Variants in AGO3 observed in about 807,000 individuals in gnomAD.
The protein encoded by AGO3 is protein argonaute-3.
AGO3 carries 16 observed loss-of-function variants against 105.5 expected under a neutral mutation model. The observed-to-expected ratio is 0.15, with a 90% CI of 0.10 to 0.23. The LOEUF is 0.23. AGO3 is among the 10% of genes least tolerant of loss of function. The pLI is 1.00. For synonymous variants in AGO3, 340 were observed against 367.3 expected, an observed-to-expected ratio of 0.93 and a Z score of 0.85; for missense variants, 534 against 1,088.0, an observed-to-expected ratio of 0.49 and a Z score of 7.16.
intron 2 of AGO3, among the ~76,000 whole-genome samples, chr1:35,946,498 A>C (rs1378197480): frequency 6.6e-6 from 1 of 152,174 alleles, no homozygotes; most frequent in African/African-American, 2.4e-5. Flanking sequence ...TTTGTTTTTA[A>C]AAACAAAGAC....
At chr1:36,025,106 A>C (rs766063732) in intron 11 of AGO3, among the ~76,000 whole-genome samples, 79 of 152,198 alleles carry the variant, frequency 5.2e-4, no homozygotes, top group Non-Finnish European at 6.2e-4. Context: ...ATCTCTACTT[A>C]TATAAAGTAT....
At chr1:35,958,494 C>T (rs963281346) in intron 2 of AGO3, among the ~76,000 whole-genome samples, 2 of 152,026 alleles carry the variant, frequency 1.3e-5, no homozygotes, top group Non-Finnish European at 2.9e-5. Flanking sequence ...AACTCTGTCT[C>T]TACAAGAAAT....
At chr1:36,036,053 AT>A (rs1284575810) in intron 13 of AGO3, 123 bp from the exon 14 acceptor site, 167 of 611,954 alleles carry the variant, frequency 2.7e-4, no homozygotes, top group Middle Eastern at 1.3e-3. Context: ...AAAAAAAAAA[AT>A]TTGGATTACA....
chr1:35,979,751 A>G lies in AGO3; in HGVS notation c.658+6240A>G, dbSNP rs146931707. Among the ~76,000 whole-genome samples the G allele has an allele frequency of 4.6e-3, 700 of 152,222 alleles. 3 individuals carry two copies. The highest frequency in any genetic ancestry group is 8.7e-3 in the Non-Finnish European group (589 of 68,002). On this transcript the variant is annotated intron_variant, in intron 5 of 18. Coordinates refer to ENST00000373191, the MANE Select transcript of AGO3 (RefSeq NM_024852.4). ...ACTTTCTTTTTGTACTTTTTGACCA[A>G]AATTCTACATTATCTAATAAAAAGA...
At chr1:35,986,264 T>G (rs1267605674) in intron 5 of AGO3, among the ~76,000 whole-genome samples, 2 of 152,154 alleles carry the variant, frequency 1.3e-5, no homozygotes, top group Non-Finnish European at 2.9e-5. Flanking sequence ...TAGCAGAAAA[T>G]TGGAAACAGC....
chr1:35,960,821 A>C (rs994887754), intron 2 of AGO3, among the ~76,000 whole-genome samples: 6 of 152,026 alleles, frequency 3.9e-5, no homozygotes, highest in Non-Finnish European at 7.4e-5. Context: ...TTCCAGTGCT[A>C]TTTCCTTAAG....
chr1:36,013,096 C>G (rs1350946148), intron 9 of AGO3, among the ~76,000 whole-genome samples: 1 of 151,968 alleles, frequency 6.6e-6, no homozygotes, highest in Non-Finnish European at 1.5e-5. Flanking sequence ...AGCACCACAC[C>G]TGGCTAATTC....
chr1:35,967,238 A>G (rs1166972812), intron 3 of AGO3, among the ~76,000 whole-genome samples, 163 bp downstream of exon 3: 1 of 152,184 alleles, frequency 6.6e-6, no homozygotes, highest in African/African-American at 2.4e-5. Flanking sequence ...GAAAAGTTGC[A>G]GGAATCATGC....
intron 2 of AGO3, among the ~76,000 whole-genome samples, chr1:35,957,320 C>T (rs998250440): frequency 2.6e-5 from 4 of 151,944 alleles, no homozygotes; most frequent in Non-Finnish European, 5.9e-5. Context: ...CATACCACTG[C>T]ACTCCAGCCT....
At chr1:35,937,054 T>A (rs185595956) in intron 1 of AGO3, among the ~76,000 whole-genome samples, 61 of 152,212 alleles carry the variant, frequency 4.0e-4, no homozygotes, top group Admixed American at 1.0e-3. Flanking sequence ...AAAGAATAGA[T>A]TGCAAAATGG....
chr1:35,966,852 T>A, intron 2 of AGO3, 103 bp from the exon 3 acceptor site: 1 of 1,287,860 alleles, frequency 7.8e-7, no homozygotes, highest in Non-Finnish European at 1.0e-6. Context: ...GAATATTTTT[T>A]AGAATTTTGA....
At chr1:35,983,099 C>T (rs756548396) in intron 5 of AGO3, 1 of 155,532 alleles carries the variant, frequency 6.4e-6, no homozygotes, top group African/African-American at 2.4e-5. Context: ...AAGCTTCAGC[C>T]CTACTTTTAA....
chr1:35,935,680 A>G (rs1646134995), intron 1 of AGO3, among the ~76,000 whole-genome samples: 1 of 152,218 alleles, frequency 6.6e-6, no homozygotes, highest in South Asian at 2.1e-4. Context: ...CCTGGCTCAG[A>G]GTAGATTTCT....
At chr1:36,025,668 A>T (rs1338757221) in intron 11 of AGO3, among the ~76,000 whole-genome samples, 1 of 152,222 alleles carries the variant, frequency 6.6e-6, no homozygotes, top group Non-Finnish European at 1.5e-5. Flanking sequence ...TTAGGACCTC[A>T]ATTGTTTTAA....
At chr1:35,960,985 C>G (rs1025325659) in intron 2 of AGO3, among the ~76,000 whole-genome samples, 4 of 149,684 alleles carry the variant, frequency 2.7e-5, no homozygotes, top group African/African-American at 9.8e-5. Context: ...GCTCTGATGC[C>G]CAGGGTGGAG....
intron 5 of AGO3, chr1:35,983,518 A>G (rs1647098784): frequency 6.6e-6 from 1 of 152,006 alleles, no homozygotes; most frequent in Non-Finnish European, 1.5e-5. Flanking sequence ...TGAGCCCAGG[A>G]TATCAAGGCT....
At chr1:35,954,863 A>G (rs549925115) in intron 2 of AGO3, among the ~76,000 whole-genome samples, 3 of 152,360 alleles carry the variant, frequency 2.0e-5, no homozygotes, top group East Asian at 1.9e-4. Flanking sequence ...CAGTAAAAAT[A>G]TATCATCTTA....
chr1:36,043,314 T>G (rs1642326910), intron 16 of AGO3, 133 bp from the exon 17 acceptor site: 17 of 699,820 alleles, frequency 2.4e-5, no homozygotes, highest in South Asian at 1.1e-4. Flanking sequence ...TCTGAATGAC[T>G]GCTTAAGTCA....
chr1:36,009,108 C>A, intron 8 of AGO3, 64 bp downstream of exon 8: 1 of 1,370,332 alleles, frequency 7.3e-7, no homozygotes, highest in Non-Finnish European at 9.1e-7. Flanking sequence ...TCTTTTATGG[C>A]CGATAACTTA....
Sources: allele counts gnomAD v4.1 joint callset (sites outside exome capture counted in the v4.1 genomes callset), GRCh38; gene constraint gnomAD v4.1.1; transcripts MANE v1.5; gene names NCBI Gene and HGNC (gene_info 2026-07-23, HGNC 2026-07-21).